Variants in WASHC5 observed in about 807,000 individuals in gnomAD.
WASHC5 encodes the protein WASH complex subunit 5.
In WASHC5, 101 loss-of-function variants were observed where a neutral mutation model predicts 150.4. That is an observed-to-expected ratio of 0.67 (90% CI 0.57 to 0.79). The LOEUF (loss-of-function observed/expected upper bound fraction) is 0.79. WASHC5 is among the 30% of genes least tolerant of loss of function. WASHC5 has a pLI of 0.00. For synonymous variants in WASHC5, 467 were observed against 491.2 expected (o/e 0.95, Z 0.65); for missense variants, 1,195 against 1,396.3 (o/e 0.86, Z 2.30).
At chr8:125,061,264 A>T in intron 11 of WASHC5, 70 bp from the exon 12 acceptor site, 2 of 858,518 alleles carry the variant, frequency 2.3e-6, no homozygotes, top group Non-Finnish European at 3.8e-6. Context: ...AATTTAACTA[A>T]ATAATCTTTT....
rs1817345113 is a variant in WASHC5, at chr8:125,083,880, CG to C, written c.18del (p.Glu7ArgfsTer10). The C allele has an allele frequency of 1.2e-6, 2 of 1,613,722 alleles. No homozygotes were observed. Among genetic ancestry groups the C allele is most frequent in the African/African-American group, 2.7e-5 (2 of 74,888 alleles). On this transcript the variant is annotated frameshift_variant, in exon 2 of 29. Transcript: ENST00000318410. LOFTEE classifies it high-confidence loss of function. ...ATTGCTTGGCCACAGAGGTTGTTCT[CG>C]GCTAGAAAGTCCAACATTGTGAGGC... MLDFL[A>X]ENNLCGQAIL...
chr8:125,051,680 G>T (rs1035497972), intron 17 of WASHC5, among the ~76,000 whole-genome samples: 2 of 152,214 alleles, frequency 1.3e-5, no homozygotes, highest in African/African-American at 4.8e-5. Context: ...CCAAGGTCAG[G>T]AGTTCCAGAC....
intron 26 of WASHC5, 93 bp from the exon 27 acceptor site, chr8:125,032,487 C>A: frequency 7.3e-7 from 1 of 1,375,354 alleles, no homozygotes. Flanking sequence ...ATGTTTGGGG[C>A]CCATATTCTC....
intron 9 of WASHC5, among the ~76,000 whole-genome samples, chr8:125,067,956 AGCAAGCT>A (rs1042336746): frequency 1.4e-4 from 21 of 152,230 alleles, no homozygotes; most frequent in African/African-American, 5.1e-4. Flanking sequence ...AATGACAAAA[AGCAAGCT>A]GCAGAACAGT....
chr8:125,039,917 A>C lies in WASHC5; in HGVS notation c.2851-19T>G. Reference sequence around the variant, plus strand: ...GCCCAACCTGTGCACAAGCAAGAGAAAGAACAGGTAGTGCATTCAAGCATT... The same window carrying C: ...GCCCAACCTGTGCACAAGCAAGAGACAGAACAGGTAGTGCATTCAAGCATT... On this transcript the variant is annotated intron_variant, in intron 23 of 28. Transcript: ENST00000318410. The C allele has an allele frequency of 6.5e-7, 1 of 1,542,008 alleles. No homozygotes were observed. The highest frequency in any genetic ancestry group is 1.1e-5 in the South Asian group (1 of 89,104).
In WASHC5 at chr8:125,032,409, G is replaced by A. The variant is rs777301976; in HGVS notation, c.3182-15C>T. On this transcript the variant is annotated splice_polypyrimidine_tract_variant and intron_variant, in intron 26 of 28. Transcript: ENST00000318410. ...GCAGACCATTCCTGCAAGGGAACAAGTTGCAACACCATATGAAGTACTTGC... is the reference window on the plus strand; with the variant it reads ...GCAGACCATTCCTGCAAGGGAACAAATTGCAACACCATATGAAGTACTTGC... The A allele has an allele frequency of 2.5e-6, 4 of 1,613,558 alleles. No homozygotes were observed. Among genetic ancestry groups the A allele is most frequent in the South Asian group, 1.1e-5 (1 of 91,048 alleles).
At chr8:125,045,419 C>G (rs1816035699) in intron 20 of WASHC5, among the ~76,000 whole-genome samples, 1 of 152,124 alleles carries the variant, frequency 6.6e-6, no homozygotes, top group Non-Finnish European at 1.5e-5. Flanking sequence ...TAGGTCTGAC[C>G]ACCACCCTTA....
chr8:125,032,315 G>A lies in WASHC5; in HGVS notation c.3261C>T (p.Phe1087=), dbSNP rs1344765656. The change falls in exon 27 of 29, where the codon TTC becomes TTT. Residue 1087 remains phenylalanine (F), a synonymous_variant. Transcript: ENST00000318410. ...VLGLLTLLKQ[F]HSRYTEQFLA... ...GGAACTGCTCGGTGTACCGGGAATG[G>A]AACTGCTTCAGCAGAGTGAGCAGTC... The A allele has an allele frequency of 6.2e-7, 1 of 1,614,176 alleles. No homozygotes were observed. The highest frequency in any genetic ancestry group is 2.2e-5 in the East Asian group (1 of 44,870).
chr8:125,052,609 T>TACACACACACAC (rs34684600), intron 17 of WASHC5, among the ~76,000 whole-genome samples: 13,597 of 141,624 alleles, frequency 0.096, 645 homozygotes, highest in African/African-American at 0.12. Context: ...TCACACACAC[T>TACACACACACAC]ACACACACAC....
At chr8:125,076,294 G>C in intron 7 of WASHC5, 54 bp downstream of exon 7, 1 of 1,545,830 alleles carries the variant, frequency 6.5e-7, no homozygotes, top group Non-Finnish European at 8.9e-7. Context: ...AAAAGAATGG[G>C]AAGTTAGTTC....
intron 9 of WASHC5, among the ~76,000 whole-genome samples, chr8:125,071,681 CTGTT>C (rs768068166): frequency 1.1e-4 from 16 of 152,206 alleles, no homozygotes; most frequent in Non-Finnish European, 1.5e-4. Flanking sequence ...CACCAACTGT[CTGTT>C]TGACACACCT....
At position 125,052,312 on chromosome 8, in the gene WASHC5, C is replaced by T. The variant is rs779587200; in HGVS notation, c.2098-1647G>A. 5.4e-4 allele frequency among the ~76,000 whole-genome samples: 82 copies of T among 152,124 alleles called. 1 individual carries two copies. Among genetic ancestry groups the T allele is most frequent in the Non-Finnish European group, 1.0e-3 (68 of 68,032 alleles). On this transcript the variant is annotated intron_variant, in intron 17 of 28. Coordinates refer to ENST00000318410, the MANE Select transcript of WASHC5 (RefSeq NM_014846.4). ...CGCATGCGGCTCTTCTAATCCTTCC[C>T]GCATTCTCACTAATCTGTGGAAGTG... is the stretch of plus-strand genomic sequence containing the variant.
intron 7 of WASHC5, among the ~76,000 whole-genome samples, chr8:125,075,422 T>C (rs546134231): frequency 2.6e-5 from 4 of 152,366 alleles, no homozygotes; most frequent in Admixed American, 2.6e-4. Context: ...GATATCTTTT[T>C]TTAAAATCCC....
At chr8:125,028,905 G>A (rs1333216165) in intron 27 of WASHC5, among the ~76,000 whole-genome samples, 198 bp from the exon 28 acceptor site, 2 of 152,120 alleles carry the variant, frequency 1.3e-5, no homozygotes, top group Non-Finnish European at 2.9e-5. Flanking sequence ...TAGGGTAAAT[G>A]TGAGCTTCTC....
At chr8:125,081,572 C>T in intron 5 of WASHC5, 89 bp downstream of exon 5, 4 of 805,256 alleles carry the variant, frequency 5.0e-6, no homozygotes, top group Non-Finnish European at 8.8e-6. Context: ...TCTTGGATTA[C>T]TGCTGTTCAC....
At chr8:125,052,382 T>A (rs2130062996) in intron 17 of WASHC5, among the ~76,000 whole-genome samples, 1 of 152,238 alleles carries the variant, frequency 6.6e-6, no homozygotes, top group East Asian at 1.9e-4. Flanking sequence ...CTTCCTCACA[T>A]TTCTATTCCC....
chr8:125,048,883 G>A, intron 19 of WASHC5, 123 bp downstream of exon 19: 1 of 778,126 alleles, frequency 1.3e-6, no homozygotes, highest in South Asian at 1.9e-5. Context: ...GCTCCTGAAA[G>A]TACTCTGAAG....
At chr8:125,047,829 T>G (rs1816118574) in intron 19 of WASHC5, among the ~76,000 whole-genome samples, 1 of 151,866 alleles carries the variant, frequency 6.6e-6, no homozygotes, top group South Asian at 2.1e-4. Flanking sequence ...GGATTACAGG[T>G]GTGAGTCACT....
Position 125,071,888 on chromosome 8 carries a change from A to G in WASHC5, c.1150+1265T>C, listed in dbSNP as rs56188321. 3.6e-3 allele frequency among the ~76,000 whole-genome samples: 554 copies of G among 152,302 alleles called. 7 individuals are homozygous for G. Among genetic ancestry groups the G allele is most frequent in the Non-Finnish European group, 5.5e-3 (373 of 68,026 alleles). On this transcript the variant is annotated intron_variant, in intron 9 of 28. Transcript: ENST00000318410. The stretch of plus-strand genomic sequence containing the variant: ...GGCTCCTTCTGGACATTCTAGGGGA[A>G]AAGTCTGTTTTCTTGTTTTCAGCAG...
Sources: allele counts gnomAD v4.1 joint callset (sites outside exome capture counted in the v4.1 genomes callset), GRCh38; gene constraint gnomAD v4.1.1; transcripts MANE v1.5; gene names NCBI Gene and HGNC (gene_info 2026-07-23, HGNC 2026-07-21).